RMST: variants seen among roughly 807,000 people sequenced by gnomAD.
The protein encoded by RMST is rhabdomyosarcoma 2 associated transcript, also known as long intergenic non-protein coding RNA 54.
Position 97,556,235 on chromosome 12 carries a change from G to C in RMST, n.1546-4302G>C, listed in dbSNP as rs114164755. Among the ~76,000 whole-genome samples the C allele has an allele frequency of 9.5e-3, 1,446 of 152,168 alleles. 23 individuals are homozygous for C. The highest frequency in any genetic ancestry group is 0.033 in the African/African-American group (1,369 of 41,518). On this transcript the variant is annotated intron_variant and non_coding_transcript_variant, in intron 11 of 13. Transcript: ENST00000640149. Reference sequence around the variant, plus strand: ...AACTTTTTCAACTTAACCAAACCATGGGCATTCTCTCGAATATTAAAGCGG... The same window carrying C: ...AACTTTTTCAACTTAACCAAACCATCGGCATTCTCTCGAATATTAAAGCGG...
chr12:97,546,598 A>T (rs1163274280), intron 11 of RMST, among the ~76,000 whole-genome samples: 2 of 152,066 alleles, frequency 1.3e-5, no homozygotes, highest in Admixed American at 1.3e-4. Flanking sequence ...AAATAATAAT[A>T]AAAAAATCAA....
At chr12:97,491,404 G>A (rs1465772058) in intron 5 of RMST, among the ~76,000 whole-genome samples, 1 of 152,108 alleles carries the variant, frequency 6.6e-6, no homozygotes, top group East Asian at 1.9e-4. Context: ...CACCAGAATC[G>A]AATGCACCCA....
chr12:97,516,373 C>T (rs1879931513), intron 10 of RMST, among the ~76,000 whole-genome samples: 1 of 151,936 alleles, frequency 6.6e-6, no homozygotes, highest in South Asian at 2.1e-4. Context: ...CCCTGCAGTA[C>T]ATAACTTATT....
chr12:97,529,458 G>A (rs1019678018), intron 10 of RMST, among the ~76,000 whole-genome samples: 1 of 151,942 alleles, frequency 6.6e-6, no homozygotes, highest in Non-Finnish European at 1.5e-5. Flanking sequence ...ACAATTCTTA[G>A]GTAAAATTAA....
At chr12:97,555,789 C>G (rs908745820) in intron 11 of RMST, among the ~76,000 whole-genome samples, 2 of 152,180 alleles carry the variant, frequency 1.3e-5, no homozygotes, top group Admixed American at 6.5e-5. Context: ...TAATGCTGTG[C>G]AGGAAATATT....
rs1031459248 is a variant in RMST at position 97,521,347 on chromosome 12, G to A, written n.1341-9308G>A. The stretch of plus-strand genomic sequence containing the variant: ...TTCTAAGAGCCAAAAGCCCTTGAGA[G>A]AGTTATGAAAAAGTCTCTCTCCAAG... On this transcript the variant is annotated intron_variant and non_coding_transcript_variant, in intron 10 of 13. Coordinates refer to ENST00000640149, the Ensembl canonical transcript of RMST. Among the ~76,000 whole-genome samples the A allele has an allele frequency of 3.3e-5, 5 of 152,156 alleles. No homozygotes were observed. The East Asian group carries it at 9.7e-4, about 29-fold the overall frequency.
At chr12:97,555,306 T>G (rs2136660006) in intron 11 of RMST, among the ~76,000 whole-genome samples, 1 of 152,328 alleles carries the variant, frequency 6.6e-6, no homozygotes, top group Non-Finnish European at 1.5e-5. Context: ...AATGTTTACC[T>G]TTTCCTGTGG....
At position 97,559,127 on chromosome 12, in the gene RMST, A is replaced by G. The variant is rs903171733; in HGVS notation, n.1546-1410A>G. On this transcript the variant is annotated intron_variant and non_coding_transcript_variant, in intron 11 of 13. Coordinates refer to ENST00000640149, the Ensembl canonical transcript of RMST. ...CTCTCTCTCTCTCTCTCTGATATAC[A>G]TTGGGTCTGGGGTCTTTTGAATATG... 2.0e-5 allele frequency among the ~76,000 whole-genome samples: 3 copies of G among 150,178 alleles called. No homozygotes were observed. In the South Asian group the frequency reaches 6.3e-4, roughly 31 times the overall value.
At chr12:97,515,898 G>A (rs1879879220) in intron 10 of RMST, among the ~76,000 whole-genome samples, 1 of 151,826 alleles carries the variant, frequency 6.6e-6, no homozygotes, top group Non-Finnish European at 1.5e-5. Flanking sequence ...AACTTACTGT[G>A]GATATTTTTA....
chr12:97,488,373 G>A (rs17027047), intron 5 of RMST, among the ~76,000 whole-genome samples: 11,570 of 152,212 alleles, frequency 0.076, 664 homozygotes, highest in Middle Eastern at 0.13. Flanking sequence ...CATTGATCGT[G>A]CCTTGTTTTC....
chr12:97,498,629 T>C (rs529003067), intron 10 of RMST, among the ~76,000 whole-genome samples: 1 of 152,244 alleles, frequency 6.6e-6, no homozygotes, highest in East Asian at 1.9e-4. Context: ...AATTACCTGA[T>C]AAAAATATTA....
chr12:97,550,323 C>A (rs375454682), intron 11 of RMST, among the ~76,000 whole-genome samples: 1 of 151,994 alleles, frequency 6.6e-6, no homozygotes, highest in Non-Finnish European at 1.5e-5. Flanking sequence ...ACCTGGGAGG[C>A]GGAGGTTGCG....
At chr12:97,503,768 A>T (rs1487798508) in intron 10 of RMST, among the ~76,000 whole-genome samples, 1 of 152,240 alleles carries the variant, frequency 6.6e-6, no homozygotes, top group Non-Finnish European at 1.5e-5. Context: ...AGTCCATCTC[A>T]GATCTTATTT....
chr12:97,467,384 C>T (rs753807634), intron 5 of RMST, among the ~76,000 whole-genome samples: 2 of 151,958 alleles, frequency 1.3e-5, no homozygotes, highest in South Asian at 2.1e-4. Flanking sequence ...GAAATCCTGA[C>T]ATCAATTTTT....
intron 11 of RMST, chr12:97,541,106 C>T (rs1315848978): frequency 6.6e-6 from 1 of 151,516 alleles, no homozygotes; most frequent in African/African-American, 2.4e-5. Context: ...ATAGTACATA[C>T]ACTTCTGGCT....
intron 10 of RMST, among the ~76,000 whole-genome samples, chr12:97,513,967 G>A (rs1489901388): frequency 2.0e-5 from 3 of 152,216 alleles, no homozygotes; most frequent in Non-Finnish European, 4.4e-5. Flanking sequence ...AGGACTGGAA[G>A]CAAACAGTGG....
At chr12:97,485,137 T>C (rs117228173) in intron 5 of RMST, among the ~76,000 whole-genome samples, 2,776 of 152,296 alleles carry the variant, frequency 0.018, 54 homozygotes, top group Non-Finnish European at 0.025. Flanking sequence ...ATTTTTGAAA[T>C]AGAGACCTGT....
At chr12:97,463,590 C>T (rs894435272) in intron 4 of RMST, among the ~76,000 whole-genome samples, 1 of 152,144 alleles carries the variant, frequency 6.6e-6, no homozygotes, top group African/African-American at 2.4e-5. Context: ...TTTTGTGCAA[C>T]GTAGAAGAGC....
At chr12:97,502,138 A>C (rs1035395798) in intron 10 of RMST, among the ~76,000 whole-genome samples, 1 of 152,206 alleles carries the variant, frequency 6.6e-6, no homozygotes, top group African/African-American at 2.4e-5. Context: ...GGCAGAAAGT[A>C]GAAAGAATCC....
Sources: allele counts gnomAD v4.1 joint callset (sites outside exome capture counted in the v4.1 genomes callset), GRCh38; gene constraint gnomAD v4.1.1; transcripts MANE v1.5; gene names NCBI Gene and HGNC (gene_info 2026-07-23, HGNC 2026-07-21).